MTBP: variants seen among roughly 807,000 people sequenced by gnomAD.
MTBP encodes the protein mdm2-binding protein.
Under a neutral mutation model 117.0 loss-of-function variants are expected in MTBP, and 101 were observed. The ratio of observed to expected loss-of-function variants is 0.86; its 90% CI spans 0.73 to 1.02. MTBP has a LOEUF of 1.02. Among genes scored for constraint, MTBP ranks in the 50% least tolerant of loss-of-function variants. The probability of loss-of-function intolerance (pLI) is 0.00; values close to 1 mark genes in which losing one functional copy is unlikely to be tolerated. For missense variants in MTBP, 970 were observed against 1,030.9 expected, an observed-to-expected ratio of 0.94 and a Z score of 0.81; for synonymous variants, 350 against 351.5, an observed-to-expected ratio of 1.00 and a Z score of 0.05.
chr8:120,506,590 T>C, intron 15 of MTBP, 116 bp from the exon 16 acceptor site: 2 of 693,984 alleles, frequency 2.9e-6, no homozygotes, highest in Non-Finnish European at 4.4e-6. Context: ...CTGGTGTGTT[T>C]TTCTGGTTTC....
At chr8:120,447,054 A>G (rs1321490709) in intron 2 of MTBP, among the ~76,000 whole-genome samples, 3 of 152,174 alleles carry the variant, frequency 2.0e-5, no homozygotes, top group Non-Finnish European at 4.4e-5. Flanking sequence ...TACTGGCATT[A>G]TACAAATGCA....
chr8:120,455,523 A>G lies in MTBP; in HGVS notation c.573A>G (p.Lys191=). The change falls in exon 6 of 22, where the codon AAA becomes AAG. Residue 191 remains lysine (K), a synonymous_variant. Coordinates refer to ENST00000305949, the MANE Select transcript of MTBP (RefSeq NM_022045.5). ...KDYLPTVGAL[K]HLREWYSAKI... ...ATTTACCTACTGTAGGAGCATTAAA[A>G]CATTTGAGAGAATGGTATTCAGCAA... 6.2e-7 allele frequency: 1 copy of G among 1,609,970 alleles called. No homozygotes were observed.
chr8:120,448,916 G>A (rs945864475), intron 2 of MTBP, among the ~76,000 whole-genome samples: 2 of 152,142 alleles, frequency 1.3e-5, no homozygotes, highest in Non-Finnish European at 2.9e-5. Flanking sequence ...GGAGAGGTAG[G>A]CATGGCTATT....
chr8:120,494,897 A>G (rs888934747), intron 13 of MTBP, among the ~76,000 whole-genome samples: 4 of 152,094 alleles, frequency 2.6e-5, no homozygotes, highest in Admixed American at 6.5e-5. Context: ...CACTCCTATC[A>G]TTAACATTCA....
chr8:120,498,075 A>C (rs1814506475), intron 14 of MTBP, among the ~76,000 whole-genome samples: 1 of 152,196 alleles, frequency 6.6e-6, no homozygotes, highest in South Asian at 2.1e-4. Flanking sequence ...GAATTTGAAT[A>C]ACCTTGTTTA....
Position 120,516,100 on chromosome 8 carries a change from G to T in MTBP, c.2155G>T (p.Asp719Tyr), listed in dbSNP as rs1051798437. 6.2e-7 allele frequency: 1 copy of T among 1,613,032 alleles called. No individual in the cohort carries two copies. Among genetic ancestry groups the T allele is most frequent in the African/African-American group, 1.3e-5 (1 of 74,988 alleles). ...VVSSDPGSVP[D>Y]GEVLQNELRT... is the part of the protein sequence containing the mutation. Reference sequence around the variant, plus strand: ...TTCGTCAGATCCTGGAAGTGTCCCTGACGGAGAAGTTTTACAAAATGAACT... The same window carrying T: ...TTCGTCAGATCCTGGAAGTGTCCCTTACGGAGAAGTTTTACAAAATGAACT... The change falls in exon 18 of 22, where the codon GAC becomes TAC. Residue 719 changes from aspartate to tyrosine, a missense_variant. By Grantham distance (160) the Asp-to-Tyr change is radical (BLOSUM62 -3). Coordinates refer to ENST00000305949, the MANE Select transcript of MTBP (RefSeq NM_022045.5).
At chr8:120,467,203 G>A (rs1408887365) in intron 10 of MTBP, among the ~76,000 whole-genome samples, 1 of 152,210 alleles carries the variant, frequency 6.6e-6, no homozygotes, top group Non-Finnish European at 1.5e-5. Flanking sequence ...GAGTTATGAT[G>A]TTCACTAATC....
chr8:120,518,604 C>A, intron 19 of MTBP, 100 bp from the exon 20 acceptor site: 2 of 708,056 alleles, frequency 2.8e-6, no homozygotes, highest in Non-Finnish European at 4.6e-6. Flanking sequence ...TTTAGCACAG[C>A]AAAATGAATG....
At chr8:120,465,834 A>C (rs1282801922) in intron 10 of MTBP, among the ~76,000 whole-genome samples, 1 of 151,838 alleles carries the variant, frequency 6.6e-6, no homozygotes, top group Non-Finnish European at 1.5e-5. Flanking sequence ...TAATTTATAG[A>C]GACTATTTCA....
chr8:120,472,898 G>C (rs1460976059), intron 11 of MTBP: 4 of 152,126 alleles, frequency 2.6e-5, no homozygotes, highest in African/African-American at 9.7e-5. Context: ...TGTTAGTTAG[G>C]AATGGTTGAA....
intron 13 of MTBP, among the ~76,000 whole-genome samples, chr8:120,496,404 G>T (rs1268215274): frequency 1.3e-5 from 2 of 152,126 alleles, no homozygotes; most frequent in African/African-American, 4.8e-5. Flanking sequence ...TGGAAGTTTT[G>T]TATGCTTACT....
At chr8:120,469,504 A>G (rs1813773853) in intron 10 of MTBP, among the ~76,000 whole-genome samples, 1 of 152,096 alleles carries the variant, frequency 6.6e-6, no homozygotes, top group Non-Finnish European at 1.5e-5. Flanking sequence ...TATACCACTC[A>G]TCTTCAAGGC....
chr8:120,494,986 A>G (rs903279082), intron 13 of MTBP, among the ~76,000 whole-genome samples: 4 of 152,106 alleles, frequency 2.6e-5, no homozygotes, highest in African/African-American at 9.7e-5. Flanking sequence ...TTGCTCGACT[A>G]TGGACTGATT....
At chr8:120,471,773 A>G (rs946158936) in intron 11 of MTBP, 14 of 152,176 alleles carry the variant, frequency 9.2e-5, no homozygotes, top group Non-Finnish European at 1.9e-4. Flanking sequence ...GTTAATTGGC[A>G]GAACCTACGG....
At chr8:120,483,960 A>G (rs1039398590) in intron 11 of MTBP, among the ~76,000 whole-genome samples, 1 of 152,158 alleles carries the variant, frequency 6.6e-6, no homozygotes, top group Non-Finnish European at 1.5e-5. Flanking sequence ...AAGTTATTTA[A>G]TAAGTCTTCA....
intron 1 of MTBP, 114 bp downstream of exon 1, chr8:120,445,702 G>A (rs1813211513): frequency 1.2e-6 from 1 of 825,208 alleles, no homozygotes; most frequent in East Asian, 2.7e-5. Context: ...CCACGAAGCT[G>A]GGACTCTATC....
At chr8:120,464,605 A>G (rs1280514047) in intron 10 of MTBP, among the ~76,000 whole-genome samples, 1 of 152,030 alleles carries the variant, frequency 6.6e-6, no homozygotes, top group East Asian at 1.9e-4. Flanking sequence ...GATATAGTAA[A>G]GGAAAAATGA....
intron 8 of MTBP, 149 bp downstream of exon 8, chr8:120,459,498 C>A: frequency 2.7e-6 from 2 of 741,758 alleles, no homozygotes; most frequent in Non-Finnish European, 4.0e-6. Flanking sequence ...TTAAGTTATA[C>A]TATGTCATCA....
chr8:120,499,450 A>C (rs1173989853), intron 14 of MTBP, among the ~76,000 whole-genome samples: 1 of 152,190 alleles, frequency 6.6e-6, no homozygotes, highest in African/African-American at 2.4e-5. Context: ...TAAATGAAAG[A>C]AACTTGGAAG....
Sources: allele counts gnomAD v4.1 joint callset (sites outside exome capture counted in the v4.1 genomes callset), GRCh38; gene constraint gnomAD v4.1.1; transcripts MANE v1.5; gene names NCBI Gene and HGNC (gene_info 2026-07-23, HGNC 2026-07-21).